The following MGMT variants were observed in gnomAD, a reference collection of about 807,000 sequenced individuals.
MGMT encodes O-6-methylguanine-DNA methyltransferase, also known as methylated-DNA--protein-cysteine methyltransferase.
MGMT carries 14 observed loss-of-function variants against 15.9 expected under a neutral mutation model. That is an observed-to-expected ratio of 0.88 (90% CI 0.58 to 1.37). The LOEUF (loss-of-function observed/expected upper bound fraction) is 1.37, where lower values mean the gene tolerates loss of function less well. MGMT is among the 40% of genes most tolerant of loss of function. MGMT has a pLI of 0.00. For synonymous variants in MGMT, 130 were observed against 118.2 expected (o/e 1.10, Z -0.65); for missense variants, 282 against 268.1 (o/e 1.05, Z -0.36).
chr10:129,633,877 G>A (rs74160245), intron 2 of MGMT, among the ~76,000 whole-genome samples: 1,754 of 152,284 alleles, frequency 0.012, 41 homozygotes, highest in African/African-American at 0.041. Context: ...TTATTCTGCC[G>A]TTTTGTGACA....
intron 3 of MGMT, among the ~76,000 whole-genome samples, chr10:129,742,586 C>A (rs1045527265): frequency 6.6e-6 from 1 of 151,044 alleles, no homozygotes; most frequent in Non-Finnish European, 1.5e-5. Flanking sequence ...AGGGCTGGGG[C>A]GTTCAGCAGT....
intron 1 of MGMT, among the ~76,000 whole-genome samples, chr10:129,511,381 G>A (rs566702045): frequency 3.3e-5 from 5 of 151,156 alleles, no homozygotes; most frequent in East Asian, 2.0e-4. Context: ...ATGGGAACCC[G>A]TATACCAGAT....
rs115591488 is a variant in MGMT, at chr10:129,631,120, A to G, written c.126-76775A>G. ...TCCAGGTTATGTATTTTGTTTCTCA[A>G]CTTTTATTTATGTTAATGAAACCAG... On this transcript the variant is annotated intron_variant, in intron 2 of 4. Transcript: ENST00000651593. 2.2e-3 allele frequency among the ~76,000 whole-genome samples: 329 copies of G among 151,480 alleles called. 2 individuals are homozygous for G. The highest frequency in any genetic ancestry group is 7.3e-3 in the African/African-American group (300 of 41,346).
chr10:129,516,123 A>G (rs2119709979), intron 1 of MGMT, among the ~76,000 whole-genome samples: 1 of 152,174 alleles, frequency 6.6e-6, no homozygotes, highest in East Asian at 1.9e-4. Context: ...TAAATATTTT[A>G]TTGTAAGTTC....
At position 129,518,351 on chromosome 10, in the gene MGMT, C is replaced by T. The variant is rs993157949; in HGVS notation, c.-12-17890C>T. 1.5e-3 allele frequency among the ~76,000 whole-genome samples: 226 copies of T among 150,074 alleles called. 1 individual carries two copies. The highest frequency in any genetic ancestry group is 3.4e-3 in the Middle Eastern group (1 of 294). On this transcript the variant is annotated intron_variant, in intron 1 of 4. Transcript: ENST00000651593. The stretch of plus-strand genomic sequence containing the variant: ...ATACACACACATACACACACACACA[C>T]ACACACACACACACACACACACATT...
chr10:129,561,328 G>A lies in MGMT; in HGVS notation c.125+24951G>A, dbSNP rs947947448. 2.6e-5 allele frequency among the ~76,000 whole-genome samples: 4 copies of A among 152,098 alleles called. No individual in the cohort carries two copies. The South Asian group carries it at 6.2e-4, about 24-fold the overall frequency. ...AGGGGTGGGTCAGGGTGCAGGCGGT[G>A]AGACGGCGAGCGAGGAGGTCGGGAA... On this transcript the variant is annotated intron_variant, in intron 2 of 4. Transcript: ENST00000651593.
intron 2 of MGMT, among the ~76,000 whole-genome samples, chr10:129,645,548 A>G (rs1847378882): frequency 6.6e-6 from 1 of 152,110 alleles, no homozygotes; most frequent in Non-Finnish European, 1.5e-5. Context: ...CCTGTGCTTC[A>G]TGGAGATGTC....
intron 2 of MGMT, among the ~76,000 whole-genome samples, chr10:129,637,924 C>T (rs780470018): frequency 1.3e-5 from 2 of 152,140 alleles, no homozygotes; most frequent in East Asian, 1.9e-4. Context: ...TTAAACCACC[C>T]GGTCTATGGT....
At chr10:129,649,534 A>G (rs1847433433) in intron 2 of MGMT, among the ~76,000 whole-genome samples, 1 of 152,178 alleles carries the variant, frequency 6.6e-6, no homozygotes, top group Non-Finnish European at 1.5e-5. Flanking sequence ...TTGGCAGATA[A>G]TTCTGCTTTA....
chr10:129,718,780 A>G (rs1848331589), intron 3 of MGMT, among the ~76,000 whole-genome samples: 1 of 150,660 alleles, frequency 6.6e-6, no homozygotes. Context: ...CACCTTTCTG[A>G]GATGTCTAGA....
rs76420625 is a variant in MGMT at position 129,716,158 on chromosome 10, T to G, written c.274+8115T>G. On this transcript the variant is annotated intron_variant, in intron 3 of 4. Transcript: ENST00000651593. ...AACGAAATCGAGGAAAAGAAAGTCC[T>G]TTTTTGAAAGCTCTTAAACACTTGA... Among the ~76,000 whole-genome samples, 558 of 152,206 alleles carry G rather than the reference T, an allele frequency of 3.7e-3. 5 individuals are homozygous for G. The highest frequency in any genetic ancestry group is 0.013 in the African/African-American group (534 of 41,488).
intron 2 of MGMT, among the ~76,000 whole-genome samples, chr10:129,582,430 CG>C (rs1846567778): frequency 6.6e-6 from 1 of 152,194 alleles, no homozygotes; most frequent in Non-Finnish European, 1.5e-5. Flanking sequence ...AAAATAACAT[CG>C]TAAGTCCTTA....
chr10:129,675,014 G>A (rs1177426465), intron 2 of MGMT, among the ~76,000 whole-genome samples: 1 of 152,190 alleles, frequency 6.6e-6, no homozygotes, highest in Non-Finnish European at 1.5e-5. Flanking sequence ...GCTTCTTTGA[G>A]AGGTAGCTTT....
At chr10:129,504,004 T>C (rs562571311) in intron 1 of MGMT, among the ~76,000 whole-genome samples, 1 of 152,366 alleles carries the variant, frequency 6.6e-6, no homozygotes, top group African/African-American at 2.4e-5. Flanking sequence ...CAGTATCAGA[T>C]CAGGGTTCCA....
Position 129,768,486 on chromosome 10 carries a change from G to C in MGMT, c.*1489G>C, listed in dbSNP as rs984348793. ...GCCGCGTCACCGTCAGGACTCGCAG[G>C]CTGTCTGGTCATTTTTGACGTTGCT... On this transcript the variant is annotated 3_prime_UTR_variant, in exon 5 of 5. Transcript: ENST00000651593. 1.3e-5 allele frequency among the ~76,000 whole-genome samples: 2 copies of C among 152,234 alleles called. No homozygotes were observed.
chr10:129,602,263 TGA>T (rs1335899526), intron 2 of MGMT, among the ~76,000 whole-genome samples: 1 of 152,158 alleles, frequency 6.6e-6, no homozygotes, highest in African/African-American at 2.4e-5. Flanking sequence ...GAAAATGTTG[TGA>T]GTGTCACTTT....
intron 2 of MGMT, among the ~76,000 whole-genome samples, chr10:129,629,270 AT>A (rs1256832507): frequency 6.6e-6 from 1 of 152,228 alleles, no homozygotes; most frequent in African/African-American, 2.4e-5. Context: ...GTACTGCATG[AT>A]TTCAGATTAC....
At chr10:129,552,047 A>T (rs1358411630) in intron 2 of MGMT, among the ~76,000 whole-genome samples, 3 of 152,188 alleles carry the variant, frequency 2.0e-5, no homozygotes, top group Non-Finnish European at 2.9e-5. Flanking sequence ...AAGAAGAACC[A>T]AAGGACAGCT....
intron 1 of MGMT, among the ~76,000 whole-genome samples, chr10:129,489,256 AG>A (rs111942034): frequency 0.052 from 7,603 of 147,050 alleles, 540 homozygotes; most frequent in African/African-American, 0.17. Flanking sequence ...GTTACTCGGG[AG>A]GCTGAGACAG....
Sources: gnomAD v4.1 joint callset for allele counts (sites outside exome capture counted in the v4.1 genomes callset) on GRCh38, gnomAD v4.1.1 for gene constraint, MANE v1.5 for transcripts, NCBI Gene and HGNC (gene_info 2026-07-23, HGNC 2026-07-21) for gene names.